The following BRIP1 variants were observed in gnomAD, a reference collection of about 807,000 sequenced individuals.
BRIP1 encodes Fanconi anemia group J protein.
Under a neutral mutation model 119.7 loss-of-function variants are expected in BRIP1, and 88 were observed. That is an observed-to-expected ratio of 0.74 (90% CI 0.62 to 0.88). The LOEUF (loss-of-function observed/expected upper bound fraction) is 0.88, where lower values mean the gene tolerates loss of function less well. Among genes scored for constraint, BRIP1 ranks in the 40% least tolerant of loss-of-function variants. The pLI is 0.00. For missense variants in BRIP1, 1,259 were observed against 1,455.4 expected, an observed-to-expected ratio of 0.87 and a Z score of 2.20; for synonymous variants, 443 against 496.5, an observed-to-expected ratio of 0.89 and a Z score of 1.43.
rs953439289 is a variant in BRIP1, at chr17:61,730,046, T to G, written c.2379+12967A>C. On this transcript the variant is annotated intron_variant, in intron 16 of 19. Transcript: ENST00000259008. The surrounding 1 kb of genome is among the most constrained non-coding windows in gnomAD (Gnocchi z 4.3). The stretch of plus-strand genomic sequence containing the variant: ...CAAGTCACAAATCTGGTATACTTGA[T>G]GCAGTAGGAAAATACACTGAGTTAT... Among the ~76,000 whole-genome samples the G allele has an allele frequency of 6.6e-6, 1 of 152,214 alleles. No homozygotes were observed. The highest frequency in any genetic ancestry group is 1.5e-5 in the Non-Finnish European group (1 of 68,032).
In BRIP1 at chr17:61,834,406, G is replaced by A. The variant is rs574559926; in HGVS notation, c.627+12695C>T. 1.5e-3 allele frequency among the ~76,000 whole-genome samples: 222 copies of A among 152,130 alleles called. No homozygotes were observed. The highest frequency in any genetic ancestry group is 2.6e-3 in the Non-Finnish European group (180 of 68,004). ...GGCCCAATAATTACGATTTTTTTGA[G>A]AGCCTGGAGAAAACATAGTAGTGTT... is the stretch of plus-strand genomic sequence containing the variant. On this transcript the variant is annotated intron_variant, in intron 6 of 19. Coordinates refer to ENST00000259008, the MANE Select transcript of BRIP1 (RefSeq NM_032043.3). This position sits in a 1 kb window ranked among gnomAD's most constrained non-coding sequence, Gnocchi z 4.4.
Position 61,682,515 on chromosome 17 carries a change from ATAC to A in BRIP1, c.*778_*780del, listed in dbSNP as rs1238759802. The A allele has an allele frequency of 5.0e-6, 1 of 198,656 alleles. No homozygotes were observed. The highest frequency in any genetic ancestry group is 1.0e-5 in the Non-Finnish European group (1 of 96,184). 12.3% of individuals were successfully genotyped at this position (198,656 alleles called of 1,614,324 possible). Reference sequence around the variant, plus strand: ...GTAAAACAATTTCAATTAAAAATGCATACTACTTTCTTAATTTCTCTTAATTAC... The same window carrying A: ...GTAAAACAATTTCAATTAAAAATGCATACTTTCTTAATTTCTCTTAATTAC... On this transcript the variant is annotated 3_prime_UTR_variant, in exon 20 of 20. Coordinates refer to ENST00000259008, the MANE Select transcript of BRIP1 (RefSeq NM_032043.3). The surrounding 1 kb of genome is among the most constrained non-coding windows in gnomAD (Gnocchi z 4.9).
intron 6 of BRIP1, among the ~76,000 whole-genome samples, chr17:61,835,640 G>A (rs1365722443): frequency 6.6e-6 from 1 of 151,680 alleles, no homozygotes; most frequent in Non-Finnish European, 1.5e-5. Context: ...GGGGTCTACT[G>A]CTTTTCTGTT....
intron 9 of BRIP1, among the ~76,000 whole-genome samples, chr17:61,797,597 T>C (rs2077921098): frequency 6.6e-6 from 1 of 151,828 alleles, no homozygotes; most frequent in Non-Finnish European, 1.5e-5. Flanking sequence ...TGCTGTAAAA[T>C]AAAAACCACA....
Position 61,823,092 on chromosome 17 carries a change from A to T in BRIP1, c.628-14335T>A, listed in dbSNP as rs1349374639. 6.6e-6 allele frequency among the ~76,000 whole-genome samples: 1 copy of T among 152,214 alleles called. No individual in the cohort carries two copies. The highest frequency in any genetic ancestry group is 1.5e-5 in the Non-Finnish European group (1 of 68,040). On this transcript the variant is annotated intron_variant, in intron 6 of 19. Transcript: ENST00000259008. The surrounding 1 kb of genome is among the most constrained non-coding windows in gnomAD (Gnocchi z 4.8). ...GCATCTTTCTTTAAAAGATTCATAC[A>T]TGTTTCCAATGCTGTTGTCAATATC...
rs1567798812 is a variant in BRIP1, at chr17:61,765,394, TATATATATATATATATATATATATATATA to T, written c.2097+10978_2097+11006del. On this transcript the variant is annotated intron_variant, in intron 14 of 19. Coordinates refer to ENST00000259008, the MANE Select transcript of BRIP1 (RefSeq NM_032043.3). ...TGTGTATATATTATATATATATATA[TATATATATATATATATATATATATATATA>T]TTTTTTTTTTTTTTTTTTTTTTTTT... is the stretch of plus-strand genomic sequence containing the variant. 2.8e-3 allele frequency among the ~76,000 whole-genome samples: 45 copies of T among 15,888 alleles called. 2 individuals are homozygous for T. The highest frequency in any genetic ancestry group is 5.2e-3 in the Non-Finnish European group (38 of 7,302). The allele number at this position is 15,888 out of a possible 152,430, so 10.4% of individuals were successfully genotyped here. A position where few individuals can be genotyped will look rare whatever the true frequency, so the allele number is the denominator to read the frequency against.
chr17:61,763,391 T>C (rs1009219809), intron 14 of BRIP1, among the ~76,000 whole-genome samples: 1 of 152,124 alleles, frequency 6.6e-6, no homozygotes, highest in African/African-American at 2.4e-5. Flanking sequence ...AACCTAAAAC[T>C]GGTATAAAAA....
At chr17:61,786,881 A>C (rs1277672852) in intron 10 of BRIP1, among the ~76,000 whole-genome samples, 1 of 124,556 alleles carries the variant, frequency 8.0e-6, no homozygotes, top group Non-Finnish European at 1.6e-5. Flanking sequence ...TAATATATTA[A>C]TATATAAATA....
chr17:61,711,211 TTC>T (rs2061769049), intron 17 of BRIP1, among the ~76,000 whole-genome samples: 1 of 152,146 alleles, frequency 6.6e-6, no homozygotes. Flanking sequence ...CAAATATGAC[TTC>T]TGTTTCACAT....
rs2061368838 is a variant in BRIP1, at chr17:61,686,617, TTCCCTTCC to T, written c.2576-460_2576-453del. Among the ~76,000 whole-genome samples, 1 of 152,150 alleles carries T rather than the reference TTCCCTTCC, an allele frequency of 6.6e-6. No individual in the cohort carries two copies. The highest frequency in any genetic ancestry group is 2.4e-5 in the African/African-American group (1 of 41,442). On this transcript the variant is annotated intron_variant, in intron 18 of 19. Transcript: ENST00000259008. This position sits in a 1 kb window ranked among gnomAD's most constrained non-coding sequence, Gnocchi z 5.4. Reference sequence around the variant, plus strand: ...AAGATTCTAGTCTCAAGTTTTTTTGTTCCCTTCCTCCACCAATTCCAAATATATCTTAA... The same window carrying T: ...AAGATTCTAGTCTCAAGTTTTTTTGTTCCACCAATTCCAAATATATCTTAA...
rs2061955290 is a variant in BRIP1 at position 61,720,459 on chromosome 17, A to G, written c.2380-4396T>C. Among the ~76,000 whole-genome samples, 1 of 152,256 alleles carries G rather than the reference A, an allele frequency of 6.6e-6. No individual in the cohort carries two copies. Among genetic ancestry groups the G allele is most frequent in the South Asian group, 2.1e-4 (1 of 4,836 alleles). ...TTTTAGGCTTTCAAGATATATTAAC[A>G]AAACTTATACAGCAGTTCCCTCTTA... On this transcript the variant is annotated intron_variant, in intron 16 of 19. Coordinates refer to ENST00000259008, the MANE Select transcript of BRIP1 (RefSeq NM_032043.3). The surrounding 1 kb of genome is among the most constrained non-coding windows in gnomAD (Gnocchi z 4.3).
Position 61,689,211 on chromosome 17 carries a change from T to C in BRIP1, c.2576-3046A>G, listed in dbSNP as rs2061410232. Among the ~76,000 whole-genome samples the C allele has an allele frequency of 6.6e-6, 1 of 151,976 alleles. No individual in the cohort carries two copies. Among genetic ancestry groups the C allele is most frequent in the Admixed American group, 6.6e-5 (1 of 15,250 alleles). ...GGCATGTACCACCACACCCGGCTAA[T>C]TGTCGTATTTTTAGTAGAGGTGGGG... On this transcript the variant is annotated intron_variant, in intron 18 of 19. Coordinates refer to ENST00000259008, the MANE Select transcript of BRIP1 (RefSeq NM_032043.3). The surrounding 1 kb of genome is among the most constrained non-coding windows in gnomAD (Gnocchi z 4.5).
At position 61,834,054 on chromosome 17, in the gene BRIP1, T is replaced by C. The variant is rs945089940; in HGVS notation, c.627+13047A>G. 2.2e-4 allele frequency among the ~76,000 whole-genome samples: 33 copies of C among 152,288 alleles called. No individual in the cohort carries two copies. Among genetic ancestry groups the C allele is most frequent in the African/African-American group, 7.7e-4 (32 of 41,566 alleles). On this transcript the variant is annotated intron_variant, in intron 6 of 19. Coordinates refer to ENST00000259008, the MANE Select transcript of BRIP1 (RefSeq NM_032043.3). The surrounding 1 kb of genome is among the most constrained non-coding windows in gnomAD (Gnocchi z 4.4). ...GTAAAATGCGTTCAAAAAAACTTTA[T>C]TTATAAAAGCAGGCAGCAGGCTGTA...
intron 14 of BRIP1, among the ~76,000 whole-genome samples, chr17:61,771,888 G>A (rs1366973886): frequency 6.6e-6 from 1 of 151,986 alleles, no homozygotes; most frequent in Non-Finnish European, 1.5e-5. Flanking sequence ...CTGGAACCTG[G>A]AAAGCGGAGG....
chr17:61,807,696 T>C lies in BRIP1; in HGVS notation c.918+771A>G, dbSNP rs570805329. On this transcript the variant is annotated intron_variant, in intron 7 of 19. Transcript: ENST00000259008. The surrounding 1 kb of genome is among the most constrained non-coding windows in gnomAD (Gnocchi z 4.5). Reference sequence around the variant, plus strand: ...ACAACTCTAAAAATATATTAAAATATCATTGGTCACTTCATAGTAATCAAT... The same window carrying C: ...ACAACTCTAAAAATATATTAAAATACCATTGGTCACTTCATAGTAATCAAT... Among the ~76,000 whole-genome samples, 1 of 152,306 alleles carries C rather than the reference T, an allele frequency of 6.6e-6. No individual in the cohort carries two copies. Among genetic ancestry groups the C allele is most frequent in the East Asian group, 1.9e-4 (1 of 5,188 alleles).
At chr17:61,732,370 A>G (rs1183519995) in intron 16 of BRIP1, among the ~76,000 whole-genome samples, 1 of 152,120 alleles carries the variant, frequency 6.6e-6, no homozygotes, top group Admixed American at 6.5e-5. Context: ...TGTATATTTG[A>G]ATCTCACTGT....
Position 61,761,929 on chromosome 17 carries a change from A to G in BRIP1, c.2097+14472T>C, listed in dbSNP as rs1319292938. Among the ~76,000 whole-genome samples the G allele has an allele frequency of 6.6e-6, 1 of 152,136 alleles. No homozygotes were observed. Among genetic ancestry groups the G allele is most frequent in the Non-Finnish European group, 1.5e-5 (1 of 68,000 alleles). Reference sequence around the variant, plus strand: ...AGAATCCTAAATTTCATATAGAGCCACAAGAAGCTTTGAATAGCCATGGCA... The same window carrying G: ...AGAATCCTAAATTTCATATAGAGCCGCAAGAAGCTTTGAATAGCCATGGCA... On this transcript the variant is annotated intron_variant, in intron 14 of 19. Coordinates refer to ENST00000259008, the MANE Select transcript of BRIP1 (RefSeq NM_032043.3). This position sits in a 1 kb window ranked among gnomAD's most constrained non-coding sequence, Gnocchi z 6.4.
rs2078988297 is a variant in BRIP1, at chr17:61,862,692, TATTA to T, written c.-31+588_-31+591del. Among the ~76,000 whole-genome samples the T allele has an allele frequency of 1.3e-5, 2 of 152,226 alleles. No homozygotes were observed. Among genetic ancestry groups the T allele is most frequent in the African/African-American group, 4.8e-5 (2 of 41,454 alleles). ...TAGCGGGGGAAATTACATGCACTGT[TATTA>T]AATAAGGAATTATTTGCAGTCGTGG... On this transcript the variant is annotated intron_variant, in intron 1 of 19. Coordinates refer to ENST00000259008, the MANE Select transcript of BRIP1 (RefSeq NM_032043.3). The surrounding 1 kb of genome is among the most constrained non-coding windows in gnomAD (Gnocchi z 5.3).
chr17:61,691,011 A>G lies in BRIP1; in HGVS notation c.2575+2419T>C, dbSNP rs1194369311. 6.8e-6 allele frequency among the ~76,000 whole-genome samples: 1 copy of G among 148,036 alleles called. No individual in the cohort carries two copies. Among genetic ancestry groups the G allele is most frequent in the African/African-American group, 2.5e-5 (1 of 40,036 alleles). On this transcript the variant is annotated intron_variant, in intron 18 of 19. Transcript: ENST00000259008. The surrounding 1 kb of genome is among the most constrained non-coding windows in gnomAD (Gnocchi z 5.0). ...AGAAAACCAAACATGGCATGTTCTC[A>G]CTCATAGGTGAGAACTGAACAATGA... is the stretch of plus-strand genomic sequence containing the variant.
Sources: allele counts gnomAD v4.1 joint callset (sites outside exome capture counted in the v4.1 genomes callset), GRCh38; gene constraint gnomAD v4.1.1; non-coding constraint Gnocchi (gnomAD v3.1); transcripts MANE v1.5; gene names NCBI Gene and HGNC (gene_info 2026-07-23, HGNC 2026-07-21).